RUNX2: variants seen among roughly 807,000 people sequenced by gnomAD.
RUNX2 encodes RUNX family transcription factor 2.
Under a neutral mutation model 51.7 loss-of-function variants are expected in RUNX2, and 10 were observed. That is an observed-to-expected ratio of 0.19 (90% CI 0.12 to 0.33). The LOEUF (loss-of-function observed/expected upper bound fraction) is 0.33, where lower values mean the gene tolerates loss of function less well. Ranked by LOEUF, RUNX2 falls within the 10% of genes least tolerant of loss-of-function variation. The pLI, the probability that RUNX2 is intolerant of heterozygous loss-of-function variation, is 1.00. For synonymous variants in RUNX2, 276 were observed against 273.6 expected (o/e 1.01, Z -0.09); for missense variants, 562 against 691.3 (o/e 0.81, Z 2.10).
rs775676263 is a variant in RUNX2 at position 45,422,753 on chromosome 6, GGCGGCGGCGGCT to G, written c.231_242del (p.Ala86_Ala89del). ...AACAGCAGCAGCAGCAGCAGGAGGC[GGCGGCGGCGGCT>G]GCGGCGGCGGCGGCGGCTGCGGCGG... On this transcript the variant is annotated inframe_deletion, in exon 3 of 9. Coordinates refer to ENST00000647337, the MANE Select transcript of RUNX2 (RefSeq NM_001024630.4). The G allele has an allele frequency of 2.4e-5, 33 of 1,352,962 alleles. No individual in the cohort carries two copies. In the East Asian group the frequency reaches 3.1e-4, roughly 13 times the overall value. The allele number at this position is 1,352,962 out of a possible 1,614,324, so 83.8% of individuals were successfully genotyped here. A position where few individuals can be genotyped will look rare whatever the true frequency, so the allele number is the denominator to read the frequency against.
rs546401627 is a variant in RUNX2, at chr6:45,437,220, A to G, written c.581-727A>G. On this transcript the variant is annotated intron_variant, in intron 4 of 8. Transcript: ENST00000647337. ...ATTTCAATGAAGCACACCTTCTGCTAAAAGCAAAATTTGAGTTTATACTGA... is the reference window on the plus strand; with the variant it reads ...ATTTCAATGAAGCACACCTTCTGCTGAAAGCAAAATTTGAGTTTATACTGA... 6.6e-5 allele frequency among the ~76,000 whole-genome samples: 10 copies of G among 152,348 alleles called. No individual in the cohort carries two copies. In the East Asian group the frequency reaches 1.7e-3, roughly 26 times the overall value.
In RUNX2 at chr6:45,547,217, G is replaced by T; in HGVS notation, c.1478G>T (p.Gly493Val). 9 of 1,614,088 alleles carry T rather than the reference G, an allele frequency of 5.6e-6. No homozygotes were observed. Among genetic ancestry groups the T allele is most frequent in the Non-Finnish European group, 7.6e-6 (9 of 1,180,014 alleles). ...LNPNLPNQND[G>V]VDADGSHSSS... Reference sequence around the variant, plus strand: ...CCAAATTTGCCTAACCAGAATGATGGTGTTGACGCTGATGGAAGCCACAGC... The same window carrying T: ...CCAAATTTGCCTAACCAGAATGATGTTGTTGACGCTGATGGAAGCCACAGC... The change falls in exon 9 of 9, where the codon GGT becomes GTT. Residue 493 changes from glycine (G) to valine (V), a missense_variant. Physicochemically the swap from Gly to Val is moderately radical, Grantham distance 109. Transcript: ENST00000647337.
chr6:45,440,012 G>A (rs1798797293), intron 5 of RUNX2, among the ~76,000 whole-genome samples: 1 of 152,242 alleles, frequency 6.6e-6, no homozygotes, highest in Non-Finnish European at 1.5e-5. Flanking sequence ...TGGGACCTGA[G>A]TTCAAGCTTT....
At chr6:45,388,091 A>G (rs1797393080) in intron 2 of RUNX2, among the ~76,000 whole-genome samples, 1 of 152,190 alleles carries the variant, frequency 6.6e-6, no homozygotes, top group African/African-American at 2.4e-5. Context: ...GGAAGGTTTG[A>G]ACACTTGGGA....
intron 3 of RUNX2, among the ~76,000 whole-genome samples, chr6:45,427,453 C>T (rs76271663): frequency 0.02 from 3,013 of 152,068 alleles, 93 homozygotes; most frequent in African/African-American, 0.066. Flanking sequence ...ATTCAATGGG[C>T]TTTTCCTAAG....
chr6:45,417,401 G>T (rs965898127), intron 2 of RUNX2, among the ~76,000 whole-genome samples: 1 of 152,112 alleles, frequency 6.6e-6, no homozygotes, highest in African/African-American at 2.4e-5. Flanking sequence ...AAATGTACTC[G>T]CTCCTCATTC....
chr6:45,522,402 G>A (rs754067342), intron 7 of RUNX2, among the ~76,000 whole-genome samples: 3 of 151,664 alleles, frequency 2.0e-5, no homozygotes, highest in South Asian at 2.1e-4. Context: ...ATTCACATCC[G>A]TAACCAACTT....
chr6:45,335,876 T>C (rs942490360), intron 2 of RUNX2, among the ~76,000 whole-genome samples: 1 of 151,268 alleles, frequency 6.6e-6, no homozygotes, highest in Non-Finnish European at 1.5e-5. Flanking sequence ...ATTCAGCTTT[T>C]GACAAAATGC....
intron 2 of RUNX2, among the ~76,000 whole-genome samples, chr6:45,363,163 C>G (rs1307087579): frequency 6.6e-6 from 1 of 152,092 alleles, no homozygotes; most frequent in African/African-American, 2.4e-5. Flanking sequence ...ATACTCAACT[C>G]TGGCACAGAG....
chr6:45,460,017 T>A (rs530183067), intron 5 of RUNX2, among the ~76,000 whole-genome samples: 2 of 152,248 alleles, frequency 1.3e-5, no homozygotes, highest in South Asian at 4.2e-4. Context: ...TGGTATGACA[T>A]GAGGCCACAG....
chr6:45,462,265 G>C (rs566053905), intron 5 of RUNX2, among the ~76,000 whole-genome samples: 8 of 152,144 alleles, frequency 5.3e-5, no homozygotes, highest in African/African-American at 1.9e-4. Context: ...GTGCTGCTTG[G>C]ATCCTTTCCA....
rs1338909353 is a variant in RUNX2, at chr6:45,422,767, C to CAGGA, written c.233_234insAGGA (p.Ala79GlyfsTer83). On this transcript the variant is annotated frameshift_variant, in exon 3 of 9. Transcript: ENST00000647337. LOFTEE classifies it high-confidence loss of function. ...CAGCAGGAGGCGGCGGCGGCGGCTG[C>CAGGA]GGCGGCGGCGGCGGCTGCGGCGGCG... The CAGGA allele has an allele frequency of 4.0e-6, 5 of 1,243,464 alleles. No individual in the cohort carries two copies. The highest frequency in any genetic ancestry group is 4.3e-6 in the Non-Finnish European group (4 of 939,864). 77.0% of individuals were successfully genotyped at this position (1,243,464 alleles called of 1,614,324 possible).
chr6:45,393,657 T>C (rs60677224), intron 2 of RUNX2, among the ~76,000 whole-genome samples: 1,713 of 152,114 alleles, frequency 0.011, 44 homozygotes, highest in African/African-American at 0.039. Flanking sequence ...CTTGATCTCC[T>C]GACCTCGTGA....
chr6:45,433,402 CT>C (rs909203216), intron 4 of RUNX2, among the ~76,000 whole-genome samples: 2 of 151,972 alleles, frequency 1.3e-5, no homozygotes, highest in African/African-American at 4.8e-5. Flanking sequence ...TAAAGTTTTC[CT>C]TTTTTTCTAG....
At chr6:45,417,456 A>G (rs1172815515) in intron 2 of RUNX2, among the ~76,000 whole-genome samples, 2 of 152,244 alleles carry the variant, frequency 1.3e-5, no homozygotes, top group African/African-American at 4.8e-5. Flanking sequence ...AGTGAAAAAT[A>G]TTAATCTAAT....
intron 2 of RUNX2, among the ~76,000 whole-genome samples, chr6:45,413,074 G>A (rs952112177): frequency 3.9e-5 from 6 of 152,026 alleles, no homozygotes; most frequent in African/African-American, 1.5e-4. Context: ...TTAAACTCTT[G>A]TAAAGATTTG....
chr6:45,344,634 T>A (rs1210145131), intron 2 of RUNX2, among the ~76,000 whole-genome samples: 1 of 152,078 alleles, frequency 6.6e-6, no homozygotes, highest in Non-Finnish European at 1.5e-5. Context: ...TTAAAACCCA[T>A]TAAAAATCAG....
At chr6:45,359,621 G>A (rs1429194748) in intron 2 of RUNX2, among the ~76,000 whole-genome samples, 1 of 152,092 alleles carries the variant, frequency 6.6e-6, no homozygotes, top group Admixed American at 6.6e-5. Flanking sequence ...ACAAATACAA[G>A]CATCTAATAA....
At position 45,527,973 on chromosome 6, in the gene RUNX2, A is replaced by G. The variant is rs977787305; in HGVS notation, c.1021+15566A>G. Among the ~76,000 whole-genome samples the G allele has an allele frequency of 2.0e-5, 3 of 152,218 alleles. No individual in the cohort carries two copies. The South Asian group carries it at 6.2e-4, about 31-fold the overall frequency. Reference sequence around the variant, plus strand: ...AGAAAGATGGGTTTAATGGACTCACAGTTCCACATGGTTGGGGAAGCCTCA... The same window carrying G: ...AGAAAGATGGGTTTAATGGACTCACGGTTCCACATGGTTGGGGAAGCCTCA... On this transcript the variant is annotated intron_variant, in intron 7 of 8. Transcript: ENST00000647337.
Sources: gnomAD v4.1 joint callset for allele counts (sites outside exome capture counted in the v4.1 genomes callset) on GRCh38, gnomAD v4.1.1 for gene constraint, MANE v1.5 for transcripts, NCBI Gene and HGNC (gene_info 2026-07-23, HGNC 2026-07-21) for gene names.